The following ADAM22 variants were observed in gnomAD, a reference collection of about 807,000 sequenced individuals.
The protein encoded by ADAM22 is disintegrin and metalloproteinase domain-containing protein 22.
Under a neutral mutation model 144.6 loss-of-function variants are expected in ADAM22, and 65 were observed. That is an observed-to-expected ratio of 0.45 (90% CI 0.37 to 0.55). The LOEUF (loss-of-function observed/expected upper bound fraction) is 0.55, where lower values mean the gene tolerates loss of function less well. Among genes scored for constraint, ADAM22 ranks in the 20% least tolerant of loss-of-function variants. The probability of loss-of-function intolerance (pLI) is 0.00; values close to 1 mark genes in which losing one functional copy is unlikely to be tolerated. For missense variants in ADAM22, 974 were observed against 1,184.9 expected, an observed-to-expected ratio of 0.82 and a Z score of 2.61; for synonymous variants, 391 against 412.6, an observed-to-expected ratio of 0.95 and a Z score of 0.63.
At chr7:88,104,011 A>T (rs1196328569) in intron 4 of ADAM22, among the ~76,000 whole-genome samples, 3 of 152,146 alleles carry the variant, frequency 2.0e-5, no homozygotes, top group Non-Finnish European at 4.4e-5. Context: ...TCCCAGGTCC[A>T]TGTCTAGTAC....
At chr7:88,173,913 T>A (rs1844974842) in intron 26 of ADAM22, among the ~76,000 whole-genome samples, 1 of 152,150 alleles carries the variant, frequency 6.6e-6, no homozygotes, top group Admixed American at 6.6e-5. Context: ...TGAATGCAGT[T>A]GTTCTCAAAG....
intron 3 of ADAM22, among the ~76,000 whole-genome samples, chr7:88,062,906 A>G (rs563527842): frequency 2.0e-5 from 3 of 152,308 alleles, no homozygotes; most frequent in Non-Finnish European, 4.4e-5. Flanking sequence ...GAGAACACAC[A>G]CAAAATTTAT....
chr7:88,191,707 C>T (rs1404626229), intron 30 of ADAM22, among the ~76,000 whole-genome samples: 2 of 152,240 alleles, frequency 1.3e-5, no homozygotes, highest in East Asian at 3.9e-4. Context: ...TAGTTACACC[C>T]ATCCGCTCGG....
chr7:88,179,724 G>A (rs1329535464), intron 27 of ADAM22, among the ~76,000 whole-genome samples: 1 of 152,020 alleles, frequency 6.6e-6, no homozygotes, highest in Non-Finnish European at 1.5e-5. Context: ...TAAGGTGTAT[G>A]ACACCATTTA....
chr7:88,114,099 A>G (rs1051386385), intron 5 of ADAM22, among the ~76,000 whole-genome samples: 3 of 152,042 alleles, frequency 2.0e-5, no homozygotes, highest in African/African-American at 7.2e-5. Context: ...AAGTTGTTCA[A>G]ATGTGTTAGC....
chr7:88,117,693 A>ATT (rs11290840), intron 7 of ADAM22, among the ~76,000 whole-genome samples: 22 of 134,934 alleles, frequency 1.6e-4, no homozygotes, highest in African/African-American at 3.2e-4. Context: ...CCTTATTTTA[A>ATT]TTTTTTTTTT....
chr7:88,112,010 G>A lies in ADAM22; in HGVS notation c.474-2574G>A, dbSNP rs1039755556. The stretch of plus-strand genomic sequence containing the variant: ...AAGAAAATAATCTGCTTGCTACTTT[G>A]TTGGTGTTGCCACGTGAATTTTGGC... On this transcript the variant is annotated intron_variant, in intron 5 of 31. Coordinates refer to ENST00000413139, the MANE Select transcript of ADAM22 (RefSeq NM_001324418.2). Among the ~76,000 whole-genome samples the A allele has an allele frequency of 3.9e-5, 6 of 152,254 alleles. 1 individual carries two copies. Among genetic ancestry groups the A allele is most frequent in the African/African-American group, 1.4e-4 (6 of 41,522 alleles).
intron 2 of ADAM22, among the ~76,000 whole-genome samples, chr7:87,967,807 C>CAAAAAAAAAAAAA (rs35787636): frequency 1.6e-5 from 1 of 60,952 alleles, no homozygotes; most frequent in African/African-American, 7.3e-5. Context: ...GACTCTGTCT[C>CAAAAAAAAAAAAA]AAAAAAAAAA....
At chr7:88,077,523 C>T (rs936762120) in intron 4 of ADAM22, among the ~76,000 whole-genome samples, 90 of 152,278 alleles carry the variant, frequency 5.9e-4, no homozygotes, top group Admixed American at 1.5e-3. Context: ...GTGTACCGTG[C>T]GTGAGCCAAA....
At chr7:87,954,828 G>A (rs1354733189) in intron 2 of ADAM22, among the ~76,000 whole-genome samples, 2 of 152,156 alleles carry the variant, frequency 1.3e-5, no homozygotes, top group South Asian at 4.1e-4. Context: ...ATTTCTTGGA[G>A]GCTTTGCTCA....
At chr7:87,990,289 C>T (rs559516051) in intron 3 of ADAM22, among the ~76,000 whole-genome samples, 6 of 152,298 alleles carry the variant, frequency 3.9e-5, no homozygotes, top group African/African-American at 9.6e-5. Context: ...CAGAAGTATA[C>T]GATCTGCTGG....
At chr7:87,944,398 T>A (rs1437890147) in intron 2 of ADAM22, among the ~76,000 whole-genome samples, 3 of 152,180 alleles carry the variant, frequency 2.0e-5, no homozygotes, top group Admixed American at 6.5e-5. Flanking sequence ...TGACAGAACC[T>A]GGTTCTGCAG....
Position 87,992,181 on chromosome 7 carries a change from G to A in ADAM22, c.323+13769G>A, listed in dbSNP as rs144807757. Among the ~76,000 whole-genome samples the A allele has an allele frequency of 2.3e-3, 346 of 152,248 alleles. 1 individual carries two copies. Among genetic ancestry groups the A allele is most frequent in the African/African-American group, 7.8e-3 (323 of 41,550 alleles). ...CATAGAAAAATTGGTGTTTTTTGTGGGTTTCAAAGCTGTGTAAGATTTTGC... is the reference window on the plus strand; with the variant it reads ...CATAGAAAAATTGGTGTTTTTTGTGAGTTTCAAAGCTGTGTAAGATTTTGC... On this transcript the variant is annotated intron_variant, in intron 3 of 31. Transcript: ENST00000413139.
At chr7:88,019,903 G>A (rs895983760) in intron 3 of ADAM22, among the ~76,000 whole-genome samples, 51 of 141,848 alleles carry the variant, frequency 3.6e-4, no homozygotes, top group Non-Finnish European at 6.9e-4. Context: ...GTGTGTGTGT[G>A]TAGATGTATT....
chr7:88,051,960 C>T (rs1806547389), intron 3 of ADAM22, among the ~76,000 whole-genome samples: 1 of 152,114 alleles, frequency 6.6e-6, no homozygotes, highest in African/African-American at 2.4e-5. Context: ...TTAAATATCC[C>T]TCCAAATTCA....
intron 26 of ADAM22, among the ~76,000 whole-genome samples, chr7:88,176,319 A>G (rs972695661): frequency 6.6e-6 from 1 of 152,206 alleles, no homozygotes; most frequent in African/African-American, 2.4e-5. Context: ...TGCATTCCTT[A>G]TGGAATTTTA....
intron 4 of ADAM22, among the ~76,000 whole-genome samples, chr7:88,088,779 A>T (rs1234388534): frequency 6.6e-6 from 1 of 152,224 alleles, no homozygotes; most frequent in African/African-American, 2.4e-5. Context: ...ATGTTTCTTA[A>T]GATATCTTTT....
At chr7:88,061,566 G>T (rs1314052763) in intron 3 of ADAM22, among the ~76,000 whole-genome samples, 4 of 152,166 alleles carry the variant, frequency 2.6e-5, no homozygotes, top group Admixed American at 2.6e-4. Context: ...TAGTTGCATT[G>T]TCAATGAATA....
At chr7:88,167,137 C>T (rs904745053) in intron 24 of ADAM22, among the ~76,000 whole-genome samples, 1 of 152,146 alleles carries the variant, frequency 6.6e-6, no homozygotes, top group African/African-American at 2.4e-5. Context: ...TAGCCCATGA[C>T]TCCTGACCTC....
Sources: allele counts gnomAD v4.1 joint callset (sites outside exome capture counted in the v4.1 genomes callset), GRCh38; gene constraint gnomAD v4.1.1; transcripts MANE v1.5; gene names NCBI Gene and HGNC (gene_info 2026-07-23, HGNC 2026-07-21).